PPP1R12B: variants seen among roughly 807,000 people sequenced by gnomAD.
PPP1R12B encodes the protein protein phosphatase 1 regulatory subunit 12B.
PPP1R12B carries 76 observed loss-of-function variants against 126.1 expected under a neutral mutation model. That is an observed-to-expected ratio of 0.60 (90% CI 0.50 to 0.73). PPP1R12B has a LOEUF of 0.73. PPP1R12B is among the 30% of genes least tolerant of loss of function. The probability of loss-of-function intolerance (pLI) is 0.00; values close to 1 mark genes in which losing one functional copy is unlikely to be tolerated. For synonymous variants in PPP1R12B, 356 were observed against 434.7 expected, an observed-to-expected ratio of 0.82 and a Z score of 2.25; for missense variants, 1,052 against 1,205.1, an observed-to-expected ratio of 0.87 and a Z score of 1.88.
intron 13 of PPP1R12B, among the ~76,000 whole-genome samples, chr1:202,451,394 A>G (rs1292945016): frequency 2.6e-4 from 38 of 145,810 alleles, no homozygotes; most frequent in Admixed American, 5.5e-4. Context: ...GCTGCCTTCA[A>G]GCATCTGTTT....
intron 18 of PPP1R12B, among the ~76,000 whole-genome samples, chr1:202,548,266 G>A (rs1200318216): frequency 6.6e-6 from 1 of 152,202 alleles, no homozygotes; most frequent in Non-Finnish European, 1.5e-5. Flanking sequence ...TGGAAAGAGA[G>A]ATGACGACAA....
chr1:202,571,581 G>A (rs1413898302), intron 23 of PPP1R12B, among the ~76,000 whole-genome samples: 1 of 152,214 alleles, frequency 6.6e-6, no homozygotes, highest in African/African-American at 2.4e-5. Context: ...CAGCCTCCAA[G>A]GAGCTGGGAC....
At chr1:202,443,725 T>G (rs150827943) in intron 12 of PPP1R12B, among the ~76,000 whole-genome samples, 76 of 152,314 alleles carry the variant, frequency 5.0e-4, no homozygotes, top group African/African-American at 1.8e-3. Flanking sequence ...GAATCCAAGA[T>G]CAAGAAAACT....
At chr1:202,396,743 G>A (rs1665040617) in intron 1 of PPP1R12B, among the ~76,000 whole-genome samples, 1 of 152,174 alleles carries the variant, frequency 6.6e-6, no homozygotes, top group African/African-American at 2.4e-5. Context: ...CTCCCAAGTA[G>A]CTGGGACTAT....
At chr1:202,448,031 T>A (rs1267606414) in intron 12 of PPP1R12B, among the ~76,000 whole-genome samples, 4 of 152,118 alleles carry the variant, frequency 2.6e-5, no homozygotes, top group Admixed American at 6.5e-5. Flanking sequence ...GTTTTTATTA[T>A]TTTTTTTCAA....
rs550197475 is a variant in PPP1R12B, at chr1:202,591,390, G to A, written c.*10830G>A. 212 of 152,694 alleles carry A rather than the reference G, an allele frequency of 1.4e-3. No individual in the cohort carries two copies. The highest frequency in any genetic ancestry group is 3.4e-3 in the Middle Eastern group (1 of 296). 9.5% of individuals were successfully genotyped at this position (152,694 alleles called of 1,614,324 possible). A position where few individuals can be genotyped will look rare whatever the true frequency, so the allele number is the denominator to read the frequency against. ...TCAGGTGCCCATGGGGCCAGGGGCC[G>A]CAGGCAGGGGGGCTACCTGTCCCTC... On this transcript the variant is annotated 3_prime_UTR_variant, in exon 24 of 24. Coordinates refer to ENST00000608999, the MANE Select transcript of PPP1R12B (RefSeq NM_002481.4).
intron 14 of PPP1R12B, 43 bp from the exon 15 acceptor site, chr1:202,493,071 A>G (rs756253454): frequency 1.1e-5 from 17 of 1,570,678 alleles, no homozygotes; most frequent in Non-Finnish European, 1.4e-5. Flanking sequence ...GAGTTATTCC[A>G]TGGTTAGTGT....
At chr1:202,454,621 G>A (rs1183762990) in intron 13 of PPP1R12B, among the ~76,000 whole-genome samples, 1 of 152,130 alleles carries the variant, frequency 6.6e-6, no homozygotes, top group African/African-American at 2.4e-5. Flanking sequence ...GTGTCATACC[G>A]AAAATCTGCT....
chr1:202,497,971 G>C (rs1317413674), intron 18 of PPP1R12B, among the ~76,000 whole-genome samples: 2 of 152,154 alleles, frequency 1.3e-5, no homozygotes, highest in Non-Finnish European at 2.9e-5. Flanking sequence ...ATAGATTATA[G>C]AGTACTGAAA....
intron 1 of PPP1R12B, among the ~76,000 whole-genome samples, chr1:202,416,078 A>T (rs2148615365): frequency 6.6e-6 from 1 of 152,332 alleles, no homozygotes; most frequent in East Asian, 1.9e-4. Flanking sequence ...CATCTGCGAC[A>T]AATAGGTGGC....
At chr1:202,363,192 G>C (rs1222083647) in intron 1 of PPP1R12B, among the ~76,000 whole-genome samples, 5 of 152,142 alleles carry the variant, frequency 3.3e-5, no homozygotes, top group Non-Finnish European at 7.3e-5. Flanking sequence ...GGGCACATTT[G>C]TATTGAGCAC....
intron 9 of PPP1R12B, among the ~76,000 whole-genome samples, chr1:202,436,836 C>G (rs555388430): frequency 1.3e-5 from 2 of 151,584 alleles, no homozygotes; most frequent in South Asian, 2.1e-4. Flanking sequence ...AGATAGCAAC[C>G]CTTTGACCTC....
At chr1:202,491,448 C>T (rs1362340805) in intron 14 of PPP1R12B, among the ~76,000 whole-genome samples, 1 of 152,116 alleles carries the variant, frequency 6.6e-6, no homozygotes, top group East Asian at 1.9e-4. Flanking sequence ...CATGCCCAGC[C>T]TGTTTTTTTT....
intron 9 of PPP1R12B, among the ~76,000 whole-genome samples, chr1:202,436,716 A>G (rs535402582): frequency 6.6e-6 from 1 of 152,334 alleles, no homozygotes; most frequent in South Asian, 2.1e-4. Flanking sequence ...TTCTTTTCTG[A>G]TATTAAAATT....
chr1:202,567,856 C>A, intron 22 of PPP1R12B, 25 bp downstream of exon 22: 1 of 1,611,510 alleles, frequency 6.2e-7, no homozygotes, highest in Non-Finnish European at 8.5e-7. Context: ...GTTTCCCCCT[C>A]CACCCCATTT....
intron 1 of PPP1R12B, among the ~76,000 whole-genome samples, chr1:202,366,449 C>T (rs753515943): frequency 2.7e-4 from 36 of 134,534 alleles, no homozygotes; most frequent in South Asian, 2.1e-3. Context: ...AACTGGGAGG[C>T]GGAGGTTGCA....
At chr1:202,525,944 C>T (rs959780017) in intron 18 of PPP1R12B, among the ~76,000 whole-genome samples, 4 of 152,246 alleles carry the variant, frequency 2.6e-5, no homozygotes, top group Admixed American at 6.5e-5. Context: ...GGTGATCCGC[C>T]TTGGCCTCCC....
chr1:202,388,789 A>C (rs1663594075), intron 1 of PPP1R12B, among the ~76,000 whole-genome samples: 1 of 152,198 alleles, frequency 6.6e-6, no homozygotes. Context: ...AAAATTTGGC[A>C]AGCTCATCCT....
intron 13 of PPP1R12B, among the ~76,000 whole-genome samples, chr1:202,456,983 A>C (rs1279528429): frequency 6.6e-6 from 1 of 152,260 alleles, no homozygotes; most frequent in Non-Finnish European, 1.5e-5. Context: ...ACATGTAATA[A>C]AAGTTTTAAA....
Sources: allele counts gnomAD v4.1 joint callset (sites outside exome capture counted in the v4.1 genomes callset), GRCh38; gene constraint gnomAD v4.1.1; transcripts MANE v1.5; gene names NCBI Gene and HGNC (gene_info 2026-07-23, HGNC 2026-07-21).